FOXJ3: variants seen among roughly 807,000 people sequenced by gnomAD.
The protein encoded by FOXJ3 is forkhead box J3, also known as forkhead box protein J3.
In FOXJ3, 22 loss-of-function variants were observed where a neutral mutation model predicts 76.1. The observed-to-expected ratio is 0.29, with a 90% CI of 0.21 to 0.41. FOXJ3 has a LOEUF of 0.41. FOXJ3 is among the 10% of genes least tolerant of loss of function. The pLI, the probability that FOXJ3 is intolerant of heterozygous loss-of-function variation, is 1.00. For missense variants in FOXJ3, 613 were observed against 762.1 expected, an observed-to-expected ratio of 0.80 and a Z score of 2.30; for synonymous variants, 269 against 261.2, an observed-to-expected ratio of 1.03 and a Z score of -0.29.
chr1:42,298,133 C>G (rs906921050), intron 2 of FOXJ3, among the ~76,000 whole-genome samples: 4 of 152,182 alleles, frequency 2.6e-5, no homozygotes, highest in Non-Finnish European at 4.4e-5. Context: ...CTCCACTTTG[C>G]TCAGCACTTC....
chr1:42,317,196 C>G (rs1348637231), intron 1 of FOXJ3, among the ~76,000 whole-genome samples: 1 of 152,002 alleles, frequency 6.6e-6, no homozygotes, highest in Admixed American at 6.6e-5. Context: ...CCCTTTGATT[C>G]AAGAAACTTG....
chr1:42,193,458 T>C (rs1314707028), intron 8 of FOXJ3, among the ~76,000 whole-genome samples: 2 of 151,858 alleles, frequency 1.3e-5, no homozygotes, highest in Non-Finnish European at 2.9e-5. Context: ...GAAATTGTCA[T>C]CATTGTTATT....
At chr1:42,216,016 A>G (rs1260358523) in intron 5 of FOXJ3, among the ~76,000 whole-genome samples, 1 of 152,170 alleles carries the variant, frequency 6.6e-6, no homozygotes, top group Non-Finnish European at 1.5e-5. Context: ...ATAACATATC[A>G]TATACATATA....
chr1:42,208,489 T>A (rs1646902325), intron 5 of FOXJ3, among the ~76,000 whole-genome samples: 1 of 152,148 alleles, frequency 6.6e-6, no homozygotes, highest in Non-Finnish European at 1.5e-5. Context: ...AAATTCAATA[T>A]CCTTTCATGA....
chr1:42,316,881 G>C (rs1389634290), intron 1 of FOXJ3, among the ~76,000 whole-genome samples: 2 of 152,122 alleles, frequency 1.3e-5, no homozygotes, highest in African/African-American at 4.8e-5. Flanking sequence ...GGAAAGGGTG[G>C]GAGTGGGGTG....
chr1:42,266,368 T>C (rs1397332072), intron 3 of FOXJ3, among the ~76,000 whole-genome samples: 4 of 151,544 alleles, frequency 2.6e-5, no homozygotes, highest in East Asian at 1.9e-4. Flanking sequence ...TTAAAAAAAA[T>C]AAACAAAAAA....
chr1:42,294,762 C>CAA lies in FOXJ3; in HGVS notation c.45-16092_45-16091dup, dbSNP rs5773766. Among the ~76,000 whole-genome samples the CAA allele has an allele frequency of 1.6e-4, 17 of 105,682 alleles. 6 individuals carry two copies. The highest frequency in any genetic ancestry group is 3.6e-4 in the South Asian group (1 of 2,808). 69.3% of individuals were successfully genotyped at this position (105,682 alleles called of 152,430 possible). A position where few individuals can be genotyped will look rare whatever the true frequency, so the allele number is the denominator to read the frequency against. On this transcript the variant is annotated intron_variant, in intron 2 of 12. Coordinates refer to ENST00000361346, the MANE Select transcript of FOXJ3 (RefSeq NM_014947.5). Reference sequence around the variant, plus strand: ...GGGCAACAAGAGCGAAACTTGGTCTCAAAAAAAAAAAAAAAAGACGCCATG... The same window carrying CAA: ...GGGCAACAAGAGCGAAACTTGGTCTCAAAAAAAAAAAAAAAAAAGACGCCATG...
chr1:42,267,497 C>A (rs545303105), intron 3 of FOXJ3, among the ~76,000 whole-genome samples: 6 of 152,178 alleles, frequency 3.9e-5, no homozygotes, highest in African/African-American at 1.4e-4. Flanking sequence ...GATGCTTGTC[C>A]ATTCACAAGT....
intron 4 of FOXJ3, among the ~76,000 whole-genome samples, chr1:42,264,467 C>T (rs1440972349): frequency 2.0e-5 from 3 of 152,078 alleles, no homozygotes; most frequent in Non-Finnish European, 4.4e-5. Context: ...AAACAAGCAT[C>T]GTGCTTCCCA....
At chr1:42,228,935 T>C (rs1408190043) in intron 4 of FOXJ3, among the ~76,000 whole-genome samples, 1 of 152,178 alleles carries the variant, frequency 6.6e-6, no homozygotes, top group Non-Finnish European at 1.5e-5. Context: ...CTCATTAATC[T>C]TCCTAGGCCG....
At chr1:42,241,226 G>A (rs1649114724) in intron 4 of FOXJ3, among the ~76,000 whole-genome samples, 1 of 152,030 alleles carries the variant, frequency 6.6e-6, no homozygotes, top group South Asian at 2.1e-4. Flanking sequence ...GCTCCACCAG[G>A]GTCTGAAGCA....
chr1:42,202,339 C>T (rs72952319), intron 6 of FOXJ3, among the ~76,000 whole-genome samples: 4,287 of 152,022 alleles, frequency 0.028, 204 homozygotes, highest in African/African-American at 0.099. Flanking sequence ...ATGTCCTTTT[C>T]TAAGCTAATT....
Position 42,191,426 on chromosome 1 carries a change from G to C in FOXJ3, c.1228C>G (p.Leu410Val). 2 of 1,612,128 alleles carry C rather than the reference G, an allele frequency of 1.2e-6. No homozygotes were observed. The part of the protein sequence containing the change: ...PAPHPQQHSQ[L>V]QSPHPQHPSP... Reference sequence around the variant, plus strand: ...GGATGCTGGGGGTGAGGGGACTGGAGCTGGCTGTGTTGCTGTGGGTGTGGT... The same window carrying C: ...GGATGCTGGGGGTGAGGGGACTGGACCTGGCTGTGTTGCTGTGGGTGTGGT... Residue 410 changes from leucine (L) to valine (V), a missense_variant, in exon 9 of 13, where the codon CTC becomes GTC. By Grantham distance (32) the Leu-to-Val change is conservative. Coordinates refer to ENST00000361346, the MANE Select transcript of FOXJ3 (RefSeq NM_014947.5).
intron 2 of FOXJ3, among the ~76,000 whole-genome samples, chr1:42,295,224 C>T (rs979810279): frequency 1.3e-5 from 2 of 152,126 alleles, no homozygotes; most frequent in South Asian, 2.1e-4. Context: ...ACCCTCCCCC[C>T]GGTGGACTCT....
chr1:42,251,408 G>A (rs572303943), intron 4 of FOXJ3, among the ~76,000 whole-genome samples: 3 of 152,190 alleles, frequency 2.0e-5, no homozygotes, highest in South Asian at 2.1e-4. Flanking sequence ...AGGAACAAAG[G>A]CCTATAGAAT....
At chr1:42,184,126 T>A (rs914633414) in intron 11 of FOXJ3, among the ~76,000 whole-genome samples, 2 of 152,058 alleles carry the variant, frequency 1.3e-5, no homozygotes, top group Non-Finnish European at 2.9e-5. Context: ...ACGCCTAGTG[T>A]ACTTTGTAAA....
intron 11 of FOXJ3, among the ~76,000 whole-genome samples, chr1:42,183,466 T>C (rs958716521): frequency 2.6e-5 from 4 of 151,636 alleles, no homozygotes; most frequent in Non-Finnish European, 5.9e-5. Flanking sequence ...TCAAGTGTTA[T>C]CGCCTCCAAA....
chr1:42,244,654 G>GA (rs149587736), intron 4 of FOXJ3, among the ~76,000 whole-genome samples: 32 of 144,930 alleles, frequency 2.2e-4, no homozygotes, highest in African/African-American at 2.9e-4. Context: ...CACTAATCAA[G>GA]AAAAAAAAAA....
chr1:42,182,112 T>A, intron 11 of FOXJ3, 88 bp from the exon 12 acceptor site: 1 of 696,428 alleles, frequency 1.4e-6, no homozygotes, highest in Non-Finnish European at 2.5e-6. Flanking sequence ...ATTGTTACTC[T>A]GAAAGTAAAT....
Sources: allele counts gnomAD v4.1 joint callset (sites outside exome capture counted in the v4.1 genomes callset), GRCh38; gene constraint gnomAD v4.1.1; transcripts MANE v1.5; gene names NCBI Gene and HGNC (gene_info 2026-07-23, HGNC 2026-07-21).